COG6: variants seen among roughly 807,000 people sequenced by gnomAD.
COG6 encodes conserved oligomeric Golgi complex subunit 6.
COG6 carries 74 observed loss-of-function variants against 88.8 expected under a neutral mutation model. The observed-to-expected ratio is 0.83, with a 90% CI of 0.69 to 1.01. The LOEUF (loss-of-function observed/expected upper bound fraction) is 1.01. COG6 is among the 50% of genes least tolerant of loss of function. The pLI, the probability that COG6 is intolerant of heterozygous loss-of-function variation, is 0.00. For missense variants in COG6, 800 were observed against 797.9 expected (o/e 1.00, Z -0.03); for synonymous variants, 286 against 278.7 (o/e 1.03, Z -0.26).
In COG6 at chr13:39,751,872, A is replaced by G. The variant is rs772812631; in HGVS notation, c.*779A>G. ...CATGTAGATAGCCTGAGCTGTGTCT[A>G]AGCCTGGTGTTTAAAGATGGGTATT... On this transcript the variant is annotated 3_prime_UTR_variant, in exon 19 of 19. Coordinates refer to ENST00000455146, the MANE Select transcript of COG6 (RefSeq NM_020751.3). The G allele has an allele frequency of 1.6e-6, 2 of 1,286,606 alleles. No homozygotes were observed. The highest frequency in any genetic ancestry group is 1.2e-5 in the South Asian group (1 of 80,930). 79.7% of individuals were successfully genotyped at this position (1,286,606 alleles called of 1,614,324 possible). A position where few individuals can be genotyped will look rare whatever the true frequency, so the allele number is the denominator to read the frequency against.
chr13:39,709,933 T>C (rs1310344081), intron 13 of COG6, among the ~76,000 whole-genome samples: 2 of 152,310 alleles, frequency 1.3e-5, no homozygotes, highest in African/African-American at 2.4e-5. Flanking sequence ...TACATGACCA[T>C]GTATGTGGAT....
At chr13:39,690,244 G>T (rs925339883) in intron 11 of COG6, among the ~76,000 whole-genome samples, 3 of 152,002 alleles carry the variant, frequency 2.0e-5, no homozygotes, top group Admixed American at 6.6e-5. Context: ...AAAATAATGT[G>T]TATTGGTATT....
At chr13:39,658,987 A>G (rs564974876) in intron 1 of COG6, among the ~76,000 whole-genome samples, 33 of 152,310 alleles carry the variant, frequency 2.2e-4, no homozygotes, top group African/African-American at 7.9e-4. Context: ...AACTGTTTCT[A>G]TGCCTTGATG....
chr13:39,707,452 A>C (rs1274684014), intron 13 of COG6, among the ~76,000 whole-genome samples: 2 of 152,166 alleles, frequency 1.3e-5, no homozygotes, highest in East Asian at 3.9e-4. Flanking sequence ...CTGCAGATAT[A>C]GTACCCAAGT....
intron 15 of COG6, 44 bp downstream of exon 15, chr13:39,719,871 T>C: frequency 6.9e-7 from 1 of 1,459,758 alleles, no homozygotes; most frequent in Non-Finnish European, 9.6e-7. Context: ...ATTGAATCTT[T>C]TTCTCTATGT....
chr13:39,689,678 T>A (rs929431499), intron 10 of COG6, 82 bp from the exon 11 acceptor site: 5 of 827,356 alleles, frequency 6.0e-6, no homozygotes, highest in Non-Finnish European at 1.0e-5. Context: ...ATGTATTATA[T>A]ATTATTTGTT....
intron 18 of COG6, among the ~76,000 whole-genome samples, chr13:39,746,072 G>A (rs1880333753): frequency 6.6e-6 from 1 of 151,984 alleles, no homozygotes; most frequent in Non-Finnish European, 1.5e-5. Flanking sequence ...ATCACACCCT[G>A]GGGCCTGTCA....
intron 2 of COG6, among the ~76,000 whole-genome samples, chr13:39,660,531 T>C (rs1194065298): frequency 1.3e-5 from 2 of 152,208 alleles, no homozygotes; most frequent in East Asian, 1.9e-4. Context: ...GTAACTGCAA[T>C]TGAATAACAC....
intron 18 of COG6, among the ~76,000 whole-genome samples, chr13:39,763,406 C>T (rs978168401): frequency 1.3e-5 from 2 of 151,548 alleles, no homozygotes; most frequent in African/African-American, 2.4e-5. Context: ...TTGCGGTCAC[C>T]CTTGTCTTTT....
At chr13:39,756,746 C>T (rs532551117), downstream of COG6, among the ~76,000 whole-genome samples, 15 of 147,012 alleles carry the variant, frequency 1.0e-4, no homozygotes, top group South Asian at 4.4e-4. Flanking sequence ...CTGGGCGGGG[C>T]GGGGGGCGGC....
intron 18 of COG6, among the ~76,000 whole-genome samples, chr13:39,776,687 A>G (rs565803949): frequency 3.5e-4 from 53 of 152,314 alleles, no homozygotes; most frequent in African/African-American, 1.3e-3. Flanking sequence ...CCTGATGTCT[A>G]CTGCTGTATT....
intron 18 of COG6, among the ~76,000 whole-genome samples, chr13:39,779,640 G>A (rs1186243077): frequency 6.6e-6 from 1 of 152,210 alleles, no homozygotes. Context: ...TCAGCTGCAG[G>A]CATGAGGAGC....
At chr13:39,753,748 C>A (rs1053385708), downstream of COG6, among the ~76,000 whole-genome samples, 1 of 152,110 alleles carries the variant, frequency 6.6e-6, no homozygotes, top group Non-Finnish European at 1.5e-5. Context: ...GCTTCAGCAA[C>A]AACTGGCCTC....
rs532403640 is a variant in COG6 at position 39,702,032 on chromosome 13, C to G, written c.1284+2414C>G. On this transcript the variant is annotated intron_variant, in intron 13 of 18. Coordinates refer to ENST00000455146, the MANE Select transcript of COG6 (RefSeq NM_020751.3). ...GTTTTTAGAAATTAGAGACAATCCACAGATGAGAATTAAAACTTAGAGAGT... is the reference window on the plus strand; with the variant it reads ...GTTTTTAGAAATTAGAGACAATCCAGAGATGAGAATTAAAACTTAGAGAGT... Among the ~76,000 whole-genome samples the G allele has an allele frequency of 2.6e-5, 4 of 151,944 alleles. No homozygotes were observed. The South Asian group carries it at 8.3e-4, about 31-fold the overall frequency.
chr13:39,701,011 T>C (rs1193700042), intron 13 of COG6, among the ~76,000 whole-genome samples: 3 of 151,906 alleles, frequency 2.0e-5, no homozygotes, highest in African/African-American at 7.2e-5. Context: ...TTAAAAAATA[T>C]CACTTGTAAA....
At chr13:39,782,250 A>G (rs1881651207) in intron 18 of COG6, among the ~76,000 whole-genome samples, 1 of 152,242 alleles carries the variant, frequency 6.6e-6, no homozygotes, top group Non-Finnish European at 1.5e-5. Context: ...AATATGGAGT[A>G]ACAGGGACTA....
chr13:39,748,191 G>A (rs1880440557), intron 18 of COG6, among the ~76,000 whole-genome samples: 1 of 152,034 alleles, frequency 6.6e-6, no homozygotes, highest in African/African-American at 2.4e-5. Flanking sequence ...TCAAATGTAT[G>A]TTATATCTAA....
chr13:39,783,071 C>T (rs1003436825), intron 18 of COG6, among the ~76,000 whole-genome samples: 1 of 152,102 alleles, frequency 6.6e-6, no homozygotes, highest in African/African-American at 2.4e-5. Flanking sequence ...CATAGTGGCT[C>T]ACATTAATTA....
intron 18 of COG6, among the ~76,000 whole-genome samples, chr13:39,762,056 T>A (rs896974120): frequency 3.3e-5 from 5 of 151,918 alleles, no homozygotes; most frequent in Non-Finnish European, 7.4e-5. Context: ...AGACATTTTA[T>A]TTTTACTCCA....
Sources: gnomAD v4.1 joint callset for allele counts (sites outside exome capture counted in the v4.1 genomes callset) on GRCh38, gnomAD v4.1.1 for gene constraint, MANE v1.5 for transcripts, NCBI Gene and HGNC (gene_info 2026-07-23, HGNC 2026-07-21) for gene names.